MCF2L2: variants seen among roughly 807,000 people sequenced by gnomAD.
MCF2L2 encodes the protein MCF.2 cell line derived transforming sequence-like 2.
In MCF2L2, 102 loss-of-function variants were observed where a neutral mutation model predicts 150.2. That is an observed-to-expected ratio of 0.68 (90% CI 0.58 to 0.80). MCF2L2 has a LOEUF of 0.80. Among genes scored for constraint, MCF2L2 ranks in the 30% least tolerant of loss-of-function variants. The pLI, the probability that MCF2L2 is intolerant of heterozygous loss-of-function variation, is 0.00. For missense variants in MCF2L2, 1,256 were observed against 1,372.8 expected, an observed-to-expected ratio of 0.91 and a Z score of 1.34; for synonymous variants, 465 against 491.3, an observed-to-expected ratio of 0.95 and a Z score of 0.71.
At chr3:183,335,516 G>A (rs1730441572) in intron 5 of MCF2L2, among the ~76,000 whole-genome samples, 2 of 152,060 alleles carry the variant, frequency 1.3e-5, no homozygotes, top group South Asian at 4.1e-4. Flanking sequence ...GGTGGGGCTA[G>A]GAGGTGATTA....
chr3:183,205,420 ATAGAAT>A lies in MCF2L2; in HGVS notation c.2884+450_2884+455del, dbSNP rs1360926385. Among the ~76,000 whole-genome samples the A allele has an allele frequency of 2.0e-5, 3 of 152,192 alleles. No individual in the cohort carries two copies. The East Asian group carries it at 5.8e-4, about 29-fold the overall frequency. The stretch of plus-strand genomic sequence containing the variant: ...AAAAACAAAAGTAAGAAGTAAAAAA[ATAGAAT>A]TAGACTGGGGATGGTTATTGAGCCT... On this transcript the variant is annotated intron_variant, in intron 25 of 29. Coordinates refer to ENST00000328913, the MANE Select transcript of MCF2L2 (RefSeq NM_015078.4).
In MCF2L2 at chr3:183,179,593, GTTC is replaced by G; in HGVS notation, c.3202_3204del (p.Glu1068del). The stretch of plus-strand genomic sequence containing the variant: ...CACACTCACGTTTCCTCCTCATCGC[GTTC>G]TTCTTTTTCTCCCTGGCTGCTTTCT... On this transcript the variant is annotated inframe_deletion, in exon 29 of 30. Coordinates refer to ENST00000328913, the MANE Select transcript of MCF2L2 (RefSeq NM_015078.4). This position sits in a 1 kb window ranked among gnomAD's most constrained non-coding sequence, Gnocchi z 4.2. 1.2e-6 allele frequency: 2 copies of G among 1,614,054 alleles called. No homozygotes were observed. The highest frequency in any genetic ancestry group is 1.7e-6 in the Non-Finnish European group (2 of 1,179,966).
chr3:183,394,758 C>A (rs545076313), intron 1 of MCF2L2, among the ~76,000 whole-genome samples: 2 of 152,284 alleles, frequency 1.3e-5, no homozygotes, highest in African/African-American at 4.8e-5. Context: ...TAGTCATCAA[C>A]AAATGAAACT....
chr3:183,180,638 A>G (rs1185568765), intron 27 of MCF2L2, among the ~76,000 whole-genome samples: 1 of 152,242 alleles, frequency 6.6e-6, no homozygotes, highest in Non-Finnish European at 1.5e-5. Flanking sequence ...CTCTCTCTGC[A>G]GTGAACTGAT....
rs1431469474 is a variant in MCF2L2, at chr3:183,216,576, ATATATTTTTTTTTTTTTTTTTT to A, written c.2371-504_2371-483del. ...ATTATATATATATATATATATATAT[ATATATTTTTTTTTTTTTTTTTT>A]TTTTTTTTTTTTTTTTTTGAGAGCG... On this transcript the variant is annotated intron_variant, in intron 21 of 29. Coordinates refer to ENST00000328913, the MANE Select transcript of MCF2L2 (RefSeq NM_015078.4). 1.5e-3 allele frequency among the ~76,000 whole-genome samples: 41 copies of A among 26,518 alleles called. 1 individual carries two copies. Among genetic ancestry groups the A allele is most frequent in the African/African-American group, 7.5e-3 (28 of 3,716 alleles). The allele number at this position is 26,518 out of a possible 152,430, so 17.4% of individuals were successfully genotyped here.
intron 15 of MCF2L2, among the ~76,000 whole-genome samples, chr3:183,252,247 G>A (rs1015589552): frequency 1.1e-4 from 17 of 151,986 alleles, no homozygotes; most frequent in Non-Finnish European, 1.8e-4. Flanking sequence ...TTTTATTAGA[G>A]AAGGTATGTC....
rs1179274668 is a variant in MCF2L2 at position 183,389,748 on chromosome 3, C to T, written c.108G>A (p.Leu36=). ...DEIMQQEVRP[L]MAVEIIEQLH... is the part of the protein sequence containing the mutation. ...GTTGTTCTATTATCTCCACCGCCAT[C>T]AGGGGTCTGACTTCCTGCTGCATAA... The change falls in exon 2 of 30, where the codon CTG becomes CTA. Residue 36 remains leucine, a synonymous_variant. Coordinates refer to ENST00000328913, the MANE Select transcript of MCF2L2 (RefSeq NM_015078.4). The T allele has an allele frequency of 1.9e-6, 3 of 1,614,048 alleles. No homozygotes were observed. Among genetic ancestry groups the T allele is most frequent in the Non-Finnish European group, 2.5e-6 (3 of 1,180,016 alleles).
chr3:183,201,504 T>C (rs1479498067), intron 25 of MCF2L2, among the ~76,000 whole-genome samples: 1 of 152,246 alleles, frequency 6.6e-6, no homozygotes, highest in African/African-American at 2.4e-5. Context: ...TGAAGTTGCT[T>C]ATCAGCTTAA....
chr3:183,274,453 A>G (rs1727037197), intron 15 of MCF2L2, among the ~76,000 whole-genome samples: 1 of 152,180 alleles, frequency 6.6e-6, no homozygotes, highest in Non-Finnish European at 1.5e-5. Context: ...GTGCTTCGAT[A>G]TAGTTGCATG....
At chr3:183,354,153 A>G (rs1198421105) in intron 3 of MCF2L2, among the ~76,000 whole-genome samples, 1 of 152,206 alleles carries the variant, frequency 6.6e-6, no homozygotes, top group Non-Finnish European at 1.5e-5. Context: ...GACTAACACA[A>G]CAGATTCTTT....
chr3:183,193,125 T>C, intron 26 of MCF2L2, 29 bp from the exon 27 acceptor site: 4 of 1,520,860 alleles, frequency 2.6e-6, no homozygotes, highest in Non-Finnish European at 3.7e-6. Context: ...GAATATTGAG[T>C]CACTGGAAGG....
At chr3:183,377,772 A>C (rs996130874) in intron 3 of MCF2L2, 42 of 152,244 alleles carry the variant, frequency 2.8e-4, no homozygotes, top group African/African-American at 1.0e-3. Context: ...TGCATGAGTC[A>C]GGCCTAGAAG....
chr3:183,282,830 C>T (rs1727577818), intron 14 of MCF2L2, among the ~76,000 whole-genome samples: 1 of 152,202 alleles, frequency 6.6e-6, no homozygotes, highest in African/African-American at 2.4e-5. Context: ...ATAATTGCCA[C>T]ACAGCTACAA....
intron 12 of MCF2L2, chr3:183,296,164 C>T (rs1474142321): frequency 6.6e-6 from 1 of 152,508 alleles, no homozygotes; most frequent in Admixed American, 6.5e-5. Flanking sequence ...TTAAAAGAAG[C>T]TCCTAAACCA....
chr3:183,363,674 G>A (rs1712348261), intron 3 of MCF2L2, among the ~76,000 whole-genome samples: 1 of 152,038 alleles, frequency 6.6e-6, no homozygotes, highest in African/African-American at 2.4e-5. Context: ...CAGGAAGGTC[G>A]AGGCTGTAGT....
In MCF2L2 at chr3:183,295,323, T is replaced by C. The variant is rs1488546357; in HGVS notation, c.1652A>G (p.Lys551Arg). The stretch of plus-strand genomic sequence containing the variant: ...ACCCGAGGTGGAGGGCTGGCTGGTT[T>C]TTGATGACACCCATTTTGGTGAAGA... ...PESSPKWVSS[K>R]TSQPSTSVPL... Residue 551 changes from lysine to arginine, a missense_variant, in exon 13 of 30, where the codon AAA becomes AGA. Coordinates refer to ENST00000328913, the MANE Select transcript of MCF2L2 (RefSeq NM_015078.4). 6.2e-7 allele frequency: 1 copy of C among 1,609,608 alleles called. No homozygotes were observed. The highest frequency in any genetic ancestry group is 1.7e-5 in the Admixed American group (1 of 58,694).
At chr3:183,427,672 T>C (rs1716236913) in intron 1 of MCF2L2, among the ~76,000 whole-genome samples, 1 of 147,808 alleles carries the variant, frequency 6.8e-6, no homozygotes, top group African/African-American at 2.5e-5. Flanking sequence ...GGCAACCACC[T>C]GGTGAAGGCA....
In MCF2L2 at chr3:183,179,281, C is replaced by T; in HGVS notation, c.*99G>A. Reference sequence around the variant, plus strand: ...CTTTCTGCCGCCGCCGAGGCTCCGGCTGCTTTCTGCGTAGCTGGGCAGGGC... The same window carrying T: ...CTTTCTGCCGCCGCCGAGGCTCCGGTTGCTTTCTGCGTAGCTGGGCAGGGC... On this transcript the variant is annotated 3_prime_UTR_variant, in exon 30 of 30. Transcript: ENST00000328913. The surrounding 1 kb of genome is among the most constrained non-coding windows in gnomAD (Gnocchi z 4.2). 7.4e-7 allele frequency: 1 copy of T among 1,345,148 alleles called. No individual in the cohort carries two copies. Among genetic ancestry groups the T allele is most frequent in the Non-Finnish European group, 9.5e-7 (1 of 1,051,930 alleles). 83.3% of individuals were successfully genotyped at this position (1,345,148 alleles called of 1,614,324 possible).
intron 1 of MCF2L2, among the ~76,000 whole-genome samples, chr3:183,409,609 C>T (rs182941593): frequency 1.3e-3 from 181 of 139,660 alleles, no homozygotes; most frequent in Non-Finnish European, 2.2e-3. Flanking sequence ...GGCTGGAGTG[C>T]GATGGTGAAA....
Sources: allele counts gnomAD v4.1 joint callset (sites outside exome capture counted in the v4.1 genomes callset), GRCh38; gene constraint gnomAD v4.1.1; non-coding constraint Gnocchi (gnomAD v3.1); transcripts MANE v1.5; gene names NCBI Gene and HGNC (gene_info 2026-07-23, HGNC 2026-07-21).